TUSC3: variants seen among roughly 807,000 people sequenced by gnomAD.
TUSC3 encodes dolichyl-diphosphooligosaccharide--protein glycosyltransferase subunit TUSC3.
TUSC3 carries 45 observed loss-of-function variants against 44.8 expected under a neutral mutation model. The observed-to-expected ratio is 1.00, with a 90% CI of 0.79 to 1.29. The LOEUF is 1.29. Among genes scored for constraint, TUSC3 ranks in the 50% most tolerant of loss-of-function variants. The probability of loss-of-function intolerance (pLI) is 0.00; values close to 1 mark genes in which losing one functional copy is unlikely to be tolerated. For missense variants in TUSC3, 519 were observed against 437.9 expected (o/e 1.19, Z -1.65); for synonymous variants, 212 against 152.9 (o/e 1.39, Z -2.85).
chr8:15,673,191 C>A (rs1016543638), intron 5 of TUSC3, among the ~76,000 whole-genome samples: 2 of 151,994 alleles, frequency 1.3e-5, no homozygotes, highest in Non-Finnish European at 2.9e-5. Context: ...ATAATCTTTG[C>A]GAGTTATTCC....
At chr8:15,574,478 T>G (rs1563297796) in intron 1 of TUSC3, among the ~76,000 whole-genome samples, 1 of 152,130 alleles carries the variant, frequency 6.6e-6, no homozygotes, top group East Asian at 1.9e-4. Context: ...TCTCTTTTGC[T>G]TAGGCCCTTT....
intron 2 of TUSC3, among the ~76,000 whole-genome samples, chr8:15,632,368 G>A (rs940836228): frequency 3.3e-5 from 5 of 152,136 alleles, no homozygotes; most frequent in Non-Finnish European, 2.9e-5. Flanking sequence ...GAGTACTATA[G>A]CAGTTAGTTG....
At chr8:15,596,618 C>G (rs1012124359) in intron 1 of TUSC3, among the ~76,000 whole-genome samples, 3 of 152,040 alleles carry the variant, frequency 2.0e-5, no homozygotes, top group African/African-American at 7.3e-5. Context: ...ATTTTTAACA[C>G]TATTATTATG....
At chr8:15,417,856 C>G (rs17121439) in intron 1 of TUSC3, among the ~76,000 whole-genome samples, 35,002 of 151,938 alleles carry the variant, frequency 0.23, 4,214 homozygotes, top group African/African-American at 0.3. Flanking sequence ...CTCTTTCACT[C>G]TCAGTATGGA....
At chr8:15,656,166 T>A (rs1426416760) in intron 3 of TUSC3, among the ~76,000 whole-genome samples, 3 of 152,062 alleles carry the variant, frequency 2.0e-5, no homozygotes, top group Non-Finnish European at 4.4e-5. Context: ...CCCCTAACCC[T>A]ACCAAACTCA....
At chr8:15,771,407 G>T (rs1812437043), downstream of TUSC3, among the ~76,000 whole-genome samples, 1 of 152,108 alleles carries the variant, frequency 6.6e-6, no homozygotes, top group Non-Finnish European at 1.5e-5. Context: ...CCAAGTTGAA[G>T]AGTCCTTCAA....
intron 2 of TUSC3, among the ~76,000 whole-genome samples, chr8:15,504,846 G>A (rs1326426243): frequency 6.6e-6 from 1 of 150,602 alleles, no homozygotes; most frequent in East Asian, 2.0e-4. Flanking sequence ...TAGAGATAGG[G>A]TTTCACCGTG....
chr8:15,470,918 C>T (rs762954221), intron 1 of TUSC3, among the ~76,000 whole-genome samples: 22 of 152,068 alleles, frequency 1.4e-4, no homozygotes, highest in African/African-American at 5.1e-4. Context: ...AGGGGACAGG[C>T]TGCAGCCACC....
At chr8:15,661,787 T>G (rs1807438208) in intron 4 of TUSC3, among the ~76,000 whole-genome samples, 1 of 113,198 alleles carries the variant, frequency 8.8e-6, no homozygotes, top group South Asian at 2.6e-4. Flanking sequence ...TATAAGATAC[T>G]TACAGCTAGT....
At chr8:15,519,366 T>G (rs561277391) in intron 2 of TUSC3, among the ~76,000 whole-genome samples, 1 of 152,310 alleles carries the variant, frequency 6.6e-6, no homozygotes, top group South Asian at 2.1e-4. Context: ...TACAGCTATA[T>G]AGGCTTTCAA....
At chr8:15,648,766 T>G (rs1806751497) in intron 2 of TUSC3, among the ~76,000 whole-genome samples, 1 of 97,038 alleles carries the variant, frequency 1.0e-5, no homozygotes, top group African/African-American at 3.7e-5. Flanking sequence ...AGACATCTCC[T>G]GTTGAACAAA....
chr8:15,729,914 C>T (rs1267605502), intron 6 of TUSC3, among the ~76,000 whole-genome samples: 1 of 150,884 alleles, frequency 6.6e-6, no homozygotes, highest in African/African-American at 2.4e-5. Context: ...GCATGTGATA[C>T]AATTATACAT....
intron 6 of TUSC3, among the ~76,000 whole-genome samples, chr8:15,711,639 G>A (rs1042849797): frequency 1.3e-5 from 2 of 151,672 alleles, no homozygotes; most frequent in African/African-American, 4.8e-5. Context: ...ATTGCACTGT[G>A]TAGGCATGGT....
chr8:15,602,666 A>ATGTGTG (rs60206119), intron 1 of TUSC3, among the ~76,000 whole-genome samples: 1,989 of 145,944 alleles, frequency 0.014, 58 homozygotes, highest in Middle Eastern at 0.024. Context: ...AAATATTTAT[A>ATGTGTG]TGTGTGTGTG....
chr8:15,707,799 A>G (rs779501395), intron 6 of TUSC3, among the ~76,000 whole-genome samples: 1 of 151,850 alleles, frequency 6.6e-6, no homozygotes, highest in Non-Finnish European at 1.5e-5. Flanking sequence ...AAACAACACA[A>G]ATTTGTTCTC....
At chr8:15,530,274 T>C (rs749314310) in intron 2 of TUSC3, among the ~76,000 whole-genome samples, 4 of 152,088 alleles carry the variant, frequency 2.6e-5, no homozygotes, top group Non-Finnish European at 5.9e-5. Flanking sequence ...TTTTCTCAGA[T>C]GAGGACTTTG....
At chr8:15,486,679 G>A (rs1420580232) in intron 2 of TUSC3, among the ~76,000 whole-genome samples, 1 of 151,932 alleles carries the variant, frequency 6.6e-6, no homozygotes, top group Non-Finnish European at 1.5e-5. Flanking sequence ...TCCTGACCTC[G>A]TGATTCACCT....
the TUSC3 span, among the ~76,000 whole-genome samples, chr8:15,849,597 C>A: frequency 6.6e-6 from 1 of 152,162 alleles, no homozygotes; most frequent in African/African-American, 2.4e-5. Flanking sequence ...GTGATTTCAA[C>A]TGGGCATCCT....
chr8:15,800,067 A>G, the TUSC3 span, among the ~76,000 whole-genome samples: 3 of 152,220 alleles, frequency 2.0e-5, no homozygotes, highest in Non-Finnish European at 4.4e-5. Flanking sequence ...TAACTCCTCT[A>G]TCTTCCAAAG....
Sources: gnomAD v4.1 joint callset for allele counts (sites outside exome capture counted in the v4.1 genomes callset) on GRCh38, gnomAD v4.1.1 for gene constraint, MANE v1.5 for transcripts, NCBI Gene and HGNC (gene_info 2026-07-23, HGNC 2026-07-21) for gene names.